The following RANBP2 variants were observed in gnomAD, a reference collection of about 807,000 sequenced individuals.
RANBP2 encodes E3 SUMO-protein ligase RanBP2.
In RANBP2, 57 loss-of-function variants were observed where a neutral mutation model predicts 303.6. The observed-to-expected ratio is 0.19, with a 90% CI of 0.15 to 0.23. The LOEUF (loss-of-function observed/expected upper bound fraction) is 0.23, where lower values mean the gene tolerates loss of function less well. Ranked by LOEUF, RANBP2 falls within the 10% of genes least tolerant of loss-of-function variation. The pLI, the probability that RANBP2 is intolerant of heterozygous loss-of-function variation, is 1.00. For missense variants in RANBP2, 3,138 were observed against 3,780.8 expected (o/e 0.83, Z 4.46); for synonymous variants, 1,167 against 1,301.5 (o/e 0.90, Z 2.23).
At chr2:109,084,611 G>T in the RANBP2 span, among the ~76,000 whole-genome samples, 1 of 152,188 alleles carries the variant, frequency 6.6e-6, no homozygotes, top group Non-Finnish European at 1.5e-5. Context: ...TCTCAGAGGT[G>T]AAACAAGTGG....
At chr2:108,958,345 A>T in the RANBP2 span, among the ~76,000 whole-genome samples, 1 of 152,124 alleles carries the variant, frequency 6.6e-6, no homozygotes, top group Non-Finnish European at 1.5e-5. Context: ...ATAATCTAAG[A>T]TAAATACACA....
the RANBP2 span, among the ~76,000 whole-genome samples, chr2:108,958,715 C>G: frequency 1.1e-4 from 16 of 152,194 alleles, no homozygotes; most frequent in African/African-American, 3.9e-4. Flanking sequence ...TGGAACACCC[C>G]TAGATATCTG....
chr2:109,419,784 C>A, the RANBP2 span: 2 of 720,946 alleles, frequency 2.8e-6, no homozygotes, highest in Admixed American at 5.8e-5. Context: ...CTAATAACAC[C>A]GCTGAAGGGA....
chr2:109,080,280 GGCA>G, the RANBP2 span, among the ~76,000 whole-genome samples: 31,834 of 152,018 alleles, frequency 0.21, 3,958 homozygotes, highest in Middle Eastern at 0.3. Flanking sequence ...TGAGTGGCTG[GGCA>G]GCAGAGGCTG....
the RANBP2 span, among the ~76,000 whole-genome samples, chr2:108,968,543 T>C: frequency 6.6e-6 from 1 of 152,178 alleles, no homozygotes; most frequent in Admixed American, 6.5e-5. Flanking sequence ...GTGGTAGGCA[T>C]ACTCAGAGGG....
the RANBP2 span, among the ~76,000 whole-genome samples, chr2:109,596,822 TGA>T: frequency 9.9e-3 from 1,507 of 152,344 alleles, 33 homozygotes; most frequent in African/African-American, 0.035. Context: ...TAAGTTTAAA[TGA>T]GTCACATTAA....
the RANBP2 span, chr2:108,884,556 G>A: frequency 6.6e-6 from 1 of 152,206 alleles, no homozygotes; most frequent in Admixed American, 6.5e-5. Flanking sequence ...GTTTTTGCTT[G>A]TTTCTTTGTG....
At chr2:109,180,257 T>C in the RANBP2 span, among the ~76,000 whole-genome samples, 1 of 152,186 alleles carries the variant, frequency 6.6e-6, no homozygotes, top group Non-Finnish European at 1.5e-5. Context: ...CTCCTTCCTT[T>C]GCCCACAATC....
the RANBP2 span, among the ~76,000 whole-genome samples, chr2:108,943,955 T>C: frequency 1.3e-5 from 2 of 152,338 alleles, no homozygotes; most frequent in African/African-American, 4.8e-5. Context: ...TGCTCACTCA[T>C]TTCTCAGAGG....
At chr2:109,467,533 G>A in the RANBP2 span, among the ~76,000 whole-genome samples, 4 of 152,234 alleles carry the variant, frequency 2.6e-5, no homozygotes, top group African/African-American at 7.2e-5. Context: ...TGAGGGCAGC[G>A]GCAATGCACA....
the RANBP2 span, among the ~76,000 whole-genome samples, chr2:109,083,017 G>A: frequency 4.7e-4 from 72 of 151,750 alleles, no homozygotes; most frequent in African/African-American, 1.6e-3. Flanking sequence ...TAGTAGAGAC[G>A]GGGTTTCGCT....
chr2:108,836,351 A>C, the RANBP2 span, among the ~76,000 whole-genome samples: 1 of 152,182 alleles, frequency 6.6e-6, no homozygotes, highest in Admixed American at 6.5e-5. Context: ...TTCCTTTCTA[A>C]GGTGGAACAA....
chr2:109,447,289 A>T, the RANBP2 span, among the ~76,000 whole-genome samples: 1 of 151,970 alleles, frequency 6.6e-6, no homozygotes, highest in Admixed American at 6.6e-5. Context: ...ACATAATTAG[A>T]TCTCACCAGC....
the RANBP2 span, among the ~76,000 whole-genome samples, chr2:109,743,384 T>C: frequency 6.7e-6 from 1 of 148,254 alleles, no homozygotes; most frequent in Non-Finnish European, 1.5e-5. Flanking sequence ...AAATATAACA[T>C]AGAAGAAAAT....
At chr2:109,010,981 G>C in the RANBP2 span, among the ~76,000 whole-genome samples, 1 of 152,174 alleles carries the variant, frequency 6.6e-6, no homozygotes, top group African/African-American at 2.4e-5. Context: ...CATGGCTGCT[G>C]CTTCACCTTC....
the RANBP2 span, among the ~76,000 whole-genome samples, chr2:109,320,169 C>T: frequency 6.6e-6 from 1 of 152,324 alleles, no homozygotes; most frequent in East Asian, 1.9e-4. Flanking sequence ...CCCCAGTTCT[C>T]ATGGCCGTCA....
the RANBP2 span, among the ~76,000 whole-genome samples, chr2:109,346,675 A>G: frequency 6.6e-6 from 1 of 152,140 alleles, no homozygotes; most frequent in African/African-American, 2.4e-5. Context: ...AGAAGACATC[A>G]CATCAGTTTC....
At chr2:108,930,248 A>G in the RANBP2 span, 1 of 1,613,948 alleles carries the variant, frequency 6.2e-7, no homozygotes, top group Admixed American at 1.7e-5. Context: ...GACACCTGCC[A>G]ACAAAGGGGG....
the RANBP2 span, among the ~76,000 whole-genome samples, chr2:109,391,610 G>C: frequency 6.6e-6 from 1 of 152,218 alleles, no homozygotes; most frequent in Non-Finnish European, 1.5e-5. Flanking sequence ...CGGGCAGGGA[G>C]CATCAGTCCA....
Sources: gnomAD v4.1 joint callset for allele counts (sites outside exome capture counted in the v4.1 genomes callset) on GRCh38, gnomAD v4.1.1 for gene constraint, MANE v1.5 for transcripts, NCBI Gene and HGNC (gene_info 2026-07-23, HGNC 2026-07-21) for gene names.